SLC41A2: variants seen among roughly 807,000 people sequenced by gnomAD.
SLC41A2 encodes the protein SLC41A1-like 1.
SLC41A2 carries 32 observed loss-of-function variants against 58.3 expected under a neutral mutation model. The observed-to-expected ratio is 0.55, with a 90% CI of 0.41 to 0.74. SLC41A2 has a LOEUF of 0.74. Ranked by LOEUF, SLC41A2 falls within the 30% of genes least tolerant of loss-of-function variation. SLC41A2 has a pLI of 0.00. For missense variants in SLC41A2, 514 were observed against 680.6 expected, an observed-to-expected ratio of 0.76 and a Z score of 2.72; for synonymous variants, 190 against 235.0, an observed-to-expected ratio of 0.81 and a Z score of 1.75.
intron 10 of SLC41A2, among the ~76,000 whole-genome samples, chr12:104,843,367 A>C (rs2042484645): frequency 6.6e-6 from 1 of 152,028 alleles, no homozygotes; most frequent in African/African-American, 2.4e-5. Context: ...AGTAAAATCT[A>C]AGGCACTATA....
At chr12:104,852,969 G>A (rs1393477062) in intron 8 of SLC41A2, among the ~76,000 whole-genome samples, 1 of 152,048 alleles carries the variant, frequency 6.6e-6, no homozygotes, top group Non-Finnish European at 1.5e-5. Flanking sequence ...CCAGTGGAGA[G>A]CATCTAAAGA....
chr12:104,804,115 C>A lies in SLC41A2; in HGVS notation c.*1037G>T, dbSNP rs961229327. 1.5e-5 allele frequency: 2 copies of A among 129,228 alleles called. No homozygotes were observed. The highest frequency in any genetic ancestry group is 3.1e-5 in the Non-Finnish European group (2 of 64,568). The allele number at this position is 129,228 out of a possible 1,614,324, so 8.0% of individuals were successfully genotyped here. A position where few individuals can be genotyped will look rare whatever the true frequency, so the allele number is the denominator to read the frequency against. ...CCGAGATCACACCACTGCATTCCAGCCTGGGCGACAGAGCAAGACTCTGTC... is the reference window on the plus strand; with the variant it reads ...CCGAGATCACACCACTGCATTCCAGACTGGGCGACAGAGCAAGACTCTGTC... On this transcript the variant is annotated 3_prime_UTR_variant, in exon 11 of 11. Transcript: ENST00000258538.
At chr12:104,856,521 A>G (rs1370418302) in intron 8 of SLC41A2, among the ~76,000 whole-genome samples, 5 of 152,138 alleles carry the variant, frequency 3.3e-5, no homozygotes, top group African/African-American at 1.2e-4. Context: ...GAAGCTTGAG[A>G]AGGCAGAGCA....
chr12:104,947,838 A>C (rs1386093798), intron 1 of SLC41A2, among the ~76,000 whole-genome samples: 1 of 152,150 alleles, frequency 6.6e-6, no homozygotes, highest in Non-Finnish European at 1.5e-5. Flanking sequence ...TTTAATTTAC[A>C]AAGGACATCT....
At chr12:104,940,899 C>T (rs1166589136) in intron 1 of SLC41A2, among the ~76,000 whole-genome samples, 1 of 146,484 alleles carries the variant, frequency 6.8e-6, no homozygotes, top group Non-Finnish European at 1.5e-5. Context: ...TCAGGTGATC[C>T]GCCTGCCTCC....
Position 104,940,302 on chromosome 12 carries a change from G to A in SLC41A2, c.-167-11608C>T, listed in dbSNP as rs558275734. 3.4e-3 allele frequency among the ~76,000 whole-genome samples: 518 copies of A among 151,004 alleles called. 2 individuals are homozygous for A. Among genetic ancestry groups the A allele is most frequent in the African/African-American group, 0.012 (481 of 41,100 alleles). ...GCTAGGATTACAGAAGTGAGCCACCGAGCCCAGCCTTATTATTTTTATTTT... is the reference window on the plus strand; with the variant it reads ...GCTAGGATTACAGAAGTGAGCCACCAAGCCCAGCCTTATTATTTTTATTTT... On this transcript the variant is annotated intron_variant, in intron 1 of 10. Coordinates refer to ENST00000258538, the MANE Select transcript of SLC41A2 (RefSeq NM_001352171.3).
chr12:104,883,988 G>A (rs968206202), intron 6 of SLC41A2, among the ~76,000 whole-genome samples: 5 of 152,234 alleles, frequency 3.3e-5, no homozygotes, highest in African/African-American at 1.2e-4. Flanking sequence ...GAGCTGTGGT[G>A]GGCTCCACCC....
Position 104,845,879 on chromosome 12 carries a change from C to T in SLC41A2, c.1351G>A (p.Gly451Ser), listed in dbSNP as rs2042583935. 1 of 1,613,864 alleles carries T rather than the reference C, an allele frequency of 6.2e-7. No homozygotes were observed. The part of the protein sequence containing the change: ...IPGELPDEPK[G>S]CYYPFRTFFG... Reference sequence around the variant, plus strand: ...AAAGTTCTAAATGGGTAGTAACAACCTTTGGGTTCATCAGGCAATTCTCCT... The same window carrying T: ...AAAGTTCTAAATGGGTAGTAACAACTTTTGGGTTCATCAGGCAATTCTCCT... Residue 451 changes from glycine to serine, a missense_variant, in exon 9 of 11, where the codon GGT becomes AGT. Coordinates refer to ENST00000258538, the MANE Select transcript of SLC41A2 (RefSeq NM_001352171.3).
chr12:104,815,682 C>G (rs553823892), intron 10 of SLC41A2, among the ~76,000 whole-genome samples: 26 of 151,936 alleles, frequency 1.7e-4, no homozygotes, highest in Non-Finnish European at 3.2e-4. Flanking sequence ...TCTTCCTAAC[C>G]CCTAGCTTTA....
At chr12:104,811,299 A>G (rs2468339) in intron 10 of SLC41A2, among the ~76,000 whole-genome samples, 74,562 of 152,116 alleles carry the variant, frequency 0.49, 19,120 homozygotes, top group Middle Eastern at 0.57. Flanking sequence ...GGCTAAATTC[A>G]CTGTTAAGTC....
chr12:104,832,784 T>C (rs1472413771), intron 10 of SLC41A2, among the ~76,000 whole-genome samples: 1 of 152,134 alleles, frequency 6.6e-6, no homozygotes, highest in Non-Finnish European at 1.5e-5. Flanking sequence ...TAGAGAAACA[T>C]ACAGACTTGT....
At chr12:104,900,460 A>T (rs796531505) in intron 3 of SLC41A2, among the ~76,000 whole-genome samples, 1 of 152,224 alleles carries the variant, frequency 6.6e-6, no homozygotes, top group Non-Finnish European at 1.5e-5. Context: ...TAGTTTTTAC[A>T]GGTATATATT....
chr12:104,867,228 C>A lies in SLC41A2; in HGVS notation c.1028-649G>T, dbSNP rs544620947. Among the ~76,000 whole-genome samples the A allele has an allele frequency of 8.5e-5, 13 of 152,156 alleles. No homozygotes were observed. The South Asian group carries it at 2.7e-3, about 32-fold the overall frequency. ...TTTGATTCTCAATTCATATTTAATT[C>A]TAAATCTCCCTAGGGTTAAAAGTTG... On this transcript the variant is annotated intron_variant, in intron 6 of 10. Transcript: ENST00000258538.
intron 10 of SLC41A2, among the ~76,000 whole-genome samples, chr12:104,832,882 G>A (rs778572639): frequency 6.6e-6 from 1 of 152,064 alleles, no homozygotes; most frequent in Non-Finnish European, 1.5e-5. Flanking sequence ...ATTCTTGTTT[G>A]TCTTACAGTC....
chr12:104,911,043 T>C (rs1221339699), intron 2 of SLC41A2, among the ~76,000 whole-genome samples: 1 of 152,186 alleles, frequency 6.6e-6, no homozygotes, highest in Non-Finnish European at 1.5e-5. Flanking sequence ...CCCCTTATCT[T>C]AACCCACATA....
chr12:104,884,011 C>G (rs1025231713), intron 6 of SLC41A2, among the ~76,000 whole-genome samples: 1 of 152,350 alleles, frequency 6.6e-6, no homozygotes, highest in Middle Eastern at 3.4e-3. Context: ...TTTGAGCTTC[C>G]CAGCCGCTTT....
chr12:104,826,701 A>C (rs907279825), intron 10 of SLC41A2, among the ~76,000 whole-genome samples: 2 of 152,238 alleles, frequency 1.3e-5, no homozygotes, highest in Non-Finnish European at 2.9e-5. Context: ...TTCTCCCTAC[A>C]GAACTTAAAG....
intron 2 of SLC41A2, among the ~76,000 whole-genome samples, chr12:104,926,848 G>A (rs1356631184): frequency 6.6e-6 from 1 of 152,168 alleles, no homozygotes; most frequent in Non-Finnish European, 1.5e-5. Flanking sequence ...ACTTTGGAAA[G>A]GCCAAGGTGG....
chr12:104,908,574 A>C (rs2045949145), intron 3 of SLC41A2, among the ~76,000 whole-genome samples: 1 of 152,264 alleles, frequency 6.6e-6, no homozygotes, highest in South Asian at 2.1e-4. Context: ...AGTTAGTAAT[A>C]TCATCTGGTG....
Sources: allele counts gnomAD v4.1 joint callset (sites outside exome capture counted in the v4.1 genomes callset), GRCh38; gene constraint gnomAD v4.1.1; transcripts MANE v1.5; gene names NCBI Gene and HGNC (gene_info 2026-07-23, HGNC 2026-07-21).